The following TEKT3 variants were observed in gnomAD, a reference collection of about 807,000 sequenced individuals.
TEKT3 encodes the protein tektin 3, also known as tektin-3.
In TEKT3, 49 loss-of-function variants were observed where a neutral mutation model predicts 49.8. The observed-to-expected ratio is 0.98, with a 90% CI of 0.78 to 1.25. TEKT3 has a LOEUF of 1.25. TEKT3 is among the 50% of genes most tolerant of loss of function. The pLI, the probability that TEKT3 is intolerant of heterozygous loss-of-function variation, is 0.00. For synonymous variants in TEKT3, 225 were observed against 237.2 expected, an observed-to-expected ratio of 0.95 and a Z score of 0.47; for missense variants, 595 against 629.5, an observed-to-expected ratio of 0.95 and a Z score of 0.59.
intron 8 of TEKT3, among the ~76,000 whole-genome samples, chr17:15,307,281 A>G (rs1910591824): frequency 1.3e-5 from 2 of 152,330 alleles, no homozygotes; most frequent in Middle Eastern, 3.4e-3. Context: ...TGCATTACAC[A>G]ACGTAAAACA....
intron 4 of TEKT3, among the ~76,000 whole-genome samples, chr17:15,321,145 G>A (rs1284970101): frequency 1.3e-5 from 2 of 151,754 alleles, no homozygotes; most frequent in East Asian, 1.9e-4. Context: ...GAGTAGCTGG[G>A]ACTACAGGCG....
At chr17:15,333,017 A>G (rs529830211) in intron 2 of TEKT3, among the ~76,000 whole-genome samples, 15 of 150,580 alleles carry the variant, frequency 1.0e-4, no homozygotes, top group Non-Finnish European at 2.1e-4. Context: ...ATATCATTGT[A>G]GATCTTTTTT....
intron 2 of TEKT3, among the ~76,000 whole-genome samples, chr17:15,333,921 C>T (rs1274803725): frequency 1.3e-5 from 2 of 151,820 alleles, no homozygotes; most frequent in African/African-American, 4.8e-5. Context: ...CGCCACCATG[C>T]CCGGCTAATT....
chr17:15,307,621 C>T (rs540758227), intron 8 of TEKT3, among the ~76,000 whole-genome samples: 65 of 152,218 alleles, frequency 4.3e-4, no homozygotes, highest in Non-Finnish European at 7.3e-4. Flanking sequence ...AGGAAATCCA[C>T]TGTCTCAAAC....
intron 8 of TEKT3, among the ~76,000 whole-genome samples, chr17:15,308,374 T>G (rs1910626936): frequency 6.6e-6 from 1 of 152,224 alleles, no homozygotes; most frequent in Non-Finnish European, 1.5e-5. Flanking sequence ...TTTAAGGATT[T>G]GTGGTAAAAT....
At chr17:15,317,479 C>T (rs1013627305) in intron 5 of TEKT3, among the ~76,000 whole-genome samples, 5 of 152,154 alleles carry the variant, frequency 3.3e-5, no homozygotes, top group African/African-American at 1.2e-4. Context: ...TCTTTTGCTT[C>T]TCCTCACCAA....
Position 15,314,009 on chromosome 17 carries a change from C to G in TEKT3, c.878+78G>C, listed in dbSNP as rs557379605. The G allele has an allele frequency of 1.9e-6, 3 of 1,597,446 alleles. No individual in the cohort carries two copies. In the South Asian group the frequency reaches 3.4e-5, roughly 18 times the overall value. On this transcript the variant is annotated intron_variant, in intron 6 of 8. Coordinates refer to ENST00000395930, the MANE Select transcript of TEKT3 (RefSeq NM_031898.3). The stretch of plus-strand genomic sequence containing the variant: ...TATCTTACCTTGCTTTCCATTTTAA[C>G]CTGTAAGCTGTGTCCTTTCGAAAGG...
intron 4 of TEKT3, among the ~76,000 whole-genome samples, chr17:15,327,255 A>G (rs1428073189): frequency 1.3e-5 from 2 of 152,038 alleles, no homozygotes; most frequent in African/African-American, 4.8e-5. Flanking sequence ...CAGTGGCTCA[A>G]GTCTGTAATC....
rs1306649625 is a variant in TEKT3, at chr17:15,306,130, C to CAT, written c.1257-1980_1257-1979dup. On this transcript the variant is annotated intron_variant, in intron 8 of 8. Transcript: ENST00000395930. ...GTGTGTGTGTGTGTGTGTGTGTGTG[C>CAT]ATATATATATACATAAAGATTATTT... Among the ~76,000 whole-genome samples the CAT allele has an allele frequency of 4.0e-4, 43 of 107,804 alleles. 1 individual carries two copies. Among genetic ancestry groups the CAT allele is most frequent in the African/African-American group, 8.7e-4 (26 of 29,902 alleles). 70.7% of individuals were successfully genotyped at this position (107,804 alleles called of 152,430 possible).
intron 2 of TEKT3, among the ~76,000 whole-genome samples, chr17:15,339,504 C>T (rs188933975): frequency 2.0e-5 from 3 of 152,146 alleles, no homozygotes; most frequent in African/African-American, 4.8e-5. Flanking sequence ...TATTAACATA[C>T]TAAATATAGA....
At position 15,321,482 on chromosome 17, in the gene TEKT3, C is replaced by T. The variant is rs190092851; in HGVS notation, c.664-2335G>A. ...CATACATGGAGGTGGCCTTGAAATA[C>T]CACAATACAGCAAAAGAAGGACAAA... On this transcript the variant is annotated intron_variant, in intron 4 of 8. Transcript: ENST00000395930. Among the ~76,000 whole-genome samples the T allele has an allele frequency of 7.2e-5, 11 of 152,202 alleles. No homozygotes were observed. In the East Asian group the frequency reaches 2.1e-3, roughly 29 times the overall value.
At chr17:15,318,543 T>G (rs78253427) in intron 5 of TEKT3, among the ~76,000 whole-genome samples, 5,465 of 152,160 alleles carry the variant, frequency 0.036, 168 homozygotes, top group African/African-American at 0.079. Context: ...TTTAAAAATA[T>G]ATTTTTCTTG....
At chr17:15,321,909 T>G (rs949771351) in intron 4 of TEKT3, among the ~76,000 whole-genome samples, 1 of 152,194 alleles carries the variant, frequency 6.6e-6, no homozygotes, top group Non-Finnish European at 1.5e-5. Context: ...GTTCACCTCT[T>G]GGGAGGTGGG....
At position 15,304,942 on chromosome 17, in the gene TEKT3, G is replaced by GT. The variant is rs1910482287; in HGVS notation, c.1257-791_1257-790insA. ...GTGTTGTGACTTCCAAAAGGACCAA[G>GT]CCTTTTACGGCACTCAGGGTCTTGT... On this transcript the variant is annotated intron_variant, in intron 8 of 8. Transcript: ENST00000395930. This position sits in a 1 kb window ranked among gnomAD's most constrained non-coding sequence, Gnocchi z 4.7. Among the ~76,000 whole-genome samples the GT allele has an allele frequency of 6.6e-6, 1 of 152,196 alleles. No homozygotes were observed.
chr17:15,321,472 C>T (rs868667889), intron 4 of TEKT3, among the ~76,000 whole-genome samples: 1 of 152,078 alleles, frequency 6.6e-6, no homozygotes, highest in African/African-American at 2.4e-5. Context: ...ATGGAGGTGG[C>T]CTTGAAATAC....
At chr17:15,319,388 G>A (rs1049920463) in intron 4 of TEKT3, among the ~76,000 whole-genome samples, 1 of 152,136 alleles carries the variant, frequency 6.6e-6, no homozygotes, top group Non-Finnish European at 1.5e-5. Flanking sequence ...TATGGAACAA[G>A]TGGGGACATG....
In TEKT3 at chr17:15,303,853, T is replaced by C. The variant is rs966341324; in HGVS notation, c.*83A>G. 4 of 1,275,436 alleles carry C rather than the reference T, an allele frequency of 3.1e-6. No individual in the cohort carries two copies. The highest frequency in any genetic ancestry group is 1.2e-5 in the South Asian group (1 of 81,210). The allele number at this position is 1,275,436 out of a possible 1,614,324, so 79.0% of individuals were successfully genotyped here. A position where few individuals can be genotyped will look rare whatever the true frequency, so the allele number is the denominator to read the frequency against. On this transcript the variant is annotated 3_prime_UTR_variant, in exon 9 of 9. Transcript: ENST00000395930. ...AGCATAATCCTTTAATAAGTGACTA[T>C]ATTAGCATTCGGTTCAAATGCTGAG...
intron 8 of TEKT3, 54 bp downstream of exon 8, chr17:15,308,610 C>A: frequency 6.3e-7 from 1 of 1,579,136 alleles, no homozygotes; most frequent in Admixed American, 1.7e-5. Flanking sequence ...CCAGGCACCA[C>A]AGTTGGTCTG....
chr17:15,308,461 C>T (rs1910630065), intron 8 of TEKT3, among the ~76,000 whole-genome samples: 1 of 152,178 alleles, frequency 6.6e-6, no homozygotes, highest in African/African-American at 2.4e-5. Context: ...GTTGGTGCAA[C>T]CGTCACCGCC....
Sources: gnomAD v4.1 joint callset for allele counts (sites outside exome capture counted in the v4.1 genomes callset) on GRCh38, gnomAD v4.1.1 for gene constraint, Gnocchi (gnomAD v3.1) non-coding constraint, MANE v1.5 for transcripts, NCBI Gene and HGNC (gene_info 2026-07-23, HGNC 2026-07-21) for gene names.